The following ST8SIA6 variants were observed in gnomAD, a reference collection of about 807,000 sequenced individuals.
The protein encoded by ST8SIA6 is ST8 alpha-N-acetyl-neuraminide alpha-2,8-sialyltransferase 6.
Under a neutral mutation model 33.6 loss-of-function variants are expected in ST8SIA6, and 39 were observed. That is an observed-to-expected ratio of 1.16 (90% CI 0.90 to 1.52). ST8SIA6 has a LOEUF of 1.52. Ranked by LOEUF, ST8SIA6 falls within the 40% of genes most tolerant of loss-of-function variation. The pLI, the probability that ST8SIA6 is intolerant of heterozygous loss-of-function variation, is 0.00. For missense variants in ST8SIA6, 441 were observed against 443.8 expected, an observed-to-expected ratio of 0.99 and a Z score of 0.06; for synonymous variants, 172 against 167.2, an observed-to-expected ratio of 1.03 and a Z score of -0.22.
intron 4 of ST8SIA6, among the ~76,000 whole-genome samples, chr10:17,344,476 C>T (rs540166471): frequency 1.3e-4 from 20 of 152,286 alleles, no homozygotes; most frequent in African/African-American, 4.8e-4. Flanking sequence ...CATCGGATCT[C>T]ATGAGACTTA....
intron 2 of ST8SIA6, among the ~76,000 whole-genome samples, chr10:17,453,110 A>G (rs1466693032): frequency 1.3e-5 from 2 of 152,178 alleles, no homozygotes; most frequent in Non-Finnish European, 2.9e-5. Flanking sequence ...GCCTCCAGTC[A>G]CTAAGGACAA....
chr10:17,452,442 T>C (rs147689906), intron 2 of ST8SIA6, among the ~76,000 whole-genome samples: 1 of 152,316 alleles, frequency 6.6e-6, no homozygotes, highest in East Asian at 1.9e-4. Flanking sequence ...GTATAGCAGA[T>C]TGCAATCATA....
At chr10:17,407,130 AT>A (rs1366820816) in intron 2 of ST8SIA6, among the ~76,000 whole-genome samples, 4 of 151,990 alleles carry the variant, frequency 2.6e-5, no homozygotes, top group Non-Finnish European at 5.9e-5. Flanking sequence ...CACCTTGTTG[AT>A]TTTTGCTGCT....
intron 2 of ST8SIA6, among the ~76,000 whole-genome samples, chr10:17,415,957 G>A (rs1217744780): frequency 2.0e-5 from 3 of 151,540 alleles, no homozygotes; most frequent in South Asian, 2.1e-4. Flanking sequence ...TTACAGGTGC[G>A]CCACCGTGCT....
At chr10:17,362,886 A>G (rs944684256) in intron 3 of ST8SIA6, among the ~76,000 whole-genome samples, 1 of 151,850 alleles carries the variant, frequency 6.6e-6, no homozygotes, top group Non-Finnish European at 1.5e-5. Context: ...TAATTTTTGT[A>G]TTTTTAATAG....
At chr10:17,401,318 A>G (rs11254578) in intron 2 of ST8SIA6, among the ~76,000 whole-genome samples, 24,627 of 152,210 alleles carry the variant, frequency 0.16, 2,819 homozygotes, top group East Asian at 0.38. Flanking sequence ...ATGCTCATGG[A>G]TAGGAAGAAT....
intron 3 of ST8SIA6, among the ~76,000 whole-genome samples, chr10:17,373,014 C>G (rs753480315): frequency 1.3e-5 from 2 of 152,088 alleles, no homozygotes; most frequent in Non-Finnish European, 2.9e-5. Context: ...ACCTACAGAT[C>G]GAGGGTACAG....
At chr10:17,338,810 C>T (rs1451865772) in intron 4 of ST8SIA6, among the ~76,000 whole-genome samples, 1 of 152,218 alleles carries the variant, frequency 6.6e-6, no homozygotes, top group South Asian at 2.1e-4. Flanking sequence ...CAGCAATTTC[C>T]TCCATGCAAC....
chr10:17,340,746 T>C (rs1364334086), intron 4 of ST8SIA6, among the ~76,000 whole-genome samples: 5 of 152,244 alleles, frequency 3.3e-5, no homozygotes, highest in Non-Finnish European at 7.3e-5. Context: ...TGAGCCACTG[T>C]ATCTTACAAC....
chr10:17,443,806 C>T (rs762593396), intron 2 of ST8SIA6, among the ~76,000 whole-genome samples: 11 of 152,106 alleles, frequency 7.2e-5, no homozygotes, highest in South Asian at 2.1e-4. Context: ...AACAAGGCAT[C>T]GGGGAAGAAA....
At chr10:17,395,958 G>C (rs959416802) in intron 2 of ST8SIA6, among the ~76,000 whole-genome samples, 1 of 152,144 alleles carries the variant, frequency 6.6e-6, no homozygotes, top group Non-Finnish European at 1.5e-5. Flanking sequence ...CTATACAGTT[G>C]AGAGCGCCCC....
chr10:17,357,279 C>G (rs11254545), intron 4 of ST8SIA6, among the ~76,000 whole-genome samples: 29,377 of 151,056 alleles, frequency 0.19, 3,169 homozygotes, highest in East Asian at 0.49. Flanking sequence ...GTGCATGCCA[C>G]CACGCCTGGC....
chr10:17,319,459 A>G lies in ST8SIA6; in HGVS notation c.*1419T>C, dbSNP rs1847875364. Among the ~76,000 whole-genome samples, 1 of 152,190 alleles carries G rather than the reference A, an allele frequency of 6.6e-6. No homozygotes were observed. Among genetic ancestry groups the G allele is most frequent in the African/African-American group, 2.4e-5 (1 of 41,454 alleles). On this transcript the variant is annotated 3_prime_UTR_variant, in exon 8 of 8. Transcript: ENST00000377602. ...AGGATGGCAACACAGATGTCGAACC[A>G]GAAACTTCAGATGTGTTAACTTGGA...
At chr10:17,379,408 AGGAGTGTC>A (rs1484013028) in intron 3 of ST8SIA6, among the ~76,000 whole-genome samples, 1 of 152,194 alleles carries the variant, frequency 6.6e-6, no homozygotes, top group Non-Finnish European at 1.5e-5. Context: ...GATGTAGGCC[AGGAGTGTC>A]GGGTCACACC....
chr10:17,374,729 A>T (rs55948450), intron 3 of ST8SIA6, among the ~76,000 whole-genome samples: 7 of 91,516 alleles, frequency 7.6e-5, no homozygotes, highest in South Asian at 4.1e-4. Context: ...TAAATAAATA[A>T]ATAAATAAAT....
intron 4 of ST8SIA6, among the ~76,000 whole-genome samples, chr10:17,337,480 G>C (rs1370193187): frequency 6.6e-6 from 1 of 152,064 alleles, no homozygotes; most frequent in Admixed American, 6.5e-5. Context: ...CAAAGCACTC[G>C]TTATAATCTC....
intron 2 of ST8SIA6, among the ~76,000 whole-genome samples, chr10:17,437,662 C>CTTCCTTCTTTCT (rs753255469): frequency 0.011 from 1,154 of 109,186 alleles, 22 homozygotes; most frequent in African/African-American, 0.03. Flanking sequence ...TCCTTCCTTC[C>CTTCCTTCTTTCT]TTCTGTCTCT....
chr10:17,420,584 G>A (rs1329087730), intron 2 of ST8SIA6, among the ~76,000 whole-genome samples: 1 of 152,134 alleles, frequency 6.6e-6, no homozygotes, highest in Non-Finnish European at 1.5e-5. Context: ...TAGGCACCAT[G>A]AGATAGTTGA....
intron 4 of ST8SIA6, among the ~76,000 whole-genome samples, chr10:17,338,556 G>T (rs368259805): frequency 5.3e-5 from 8 of 152,198 alleles, no homozygotes; most frequent in East Asian, 1.9e-4. Flanking sequence ...TGTTCCCAAA[G>T]TAATGCTGGT....
Sources: gnomAD v4.1 joint callset for allele counts (sites outside exome capture counted in the v4.1 genomes callset) on GRCh38, gnomAD v4.1.1 for gene constraint, MANE v1.5 for transcripts, NCBI Gene and HGNC (gene_info 2026-07-23, HGNC 2026-07-21) for gene names.